Variants in SGCZ observed in about 807,000 individuals in gnomAD.
SGCZ encodes the protein zeta-sarcoglycan.
A neutral mutation model predicts 41.3 loss-of-function variants in SGCZ; 40 were observed. The ratio of observed to expected loss-of-function variants is 0.97; its 90% CI spans 0.75 to 1.26. The LOEUF (loss-of-function observed/expected upper bound fraction) is 1.26. Among genes scored for constraint, SGCZ ranks in the 50% most tolerant of loss-of-function variants. The pLI is 0.00. For synonymous variants in SGCZ, 206 were observed against 137.5 expected, an observed-to-expected ratio of 1.50 and a Z score of -3.49; for missense variants, 552 against 369.8, an observed-to-expected ratio of 1.49 and a Z score of -4.04.
At chr8:15,026,067 G>A (rs543931110) in intron 1 of SGCZ, among the ~76,000 whole-genome samples, 3 of 150,992 alleles carry the variant, frequency 2.0e-5, no homozygotes, top group South Asian at 4.2e-4. Flanking sequence ...TACTCCACGC[G>A]TTTTCTTTTT....
intron 1 of SGCZ, among the ~76,000 whole-genome samples, chr8:14,789,208 G>A (rs919348778): frequency 6.6e-6 from 1 of 151,822 alleles, no homozygotes; most frequent in African/African-American, 2.4e-5. Flanking sequence ...CATCCACCAG[G>A]AGCACAAGAT....
chr8:14,457,484 C>G (rs1800780805), intron 2 of SGCZ, among the ~76,000 whole-genome samples: 1 of 152,196 alleles, frequency 6.6e-6, no homozygotes, highest in Non-Finnish European at 1.5e-5. Context: ...GCTCCTCCAA[C>G]TCTTGTGGAG....
At position 14,155,384 on chromosome 8, in the gene SGCZ, A is replaced by T. The variant is rs191619133; in HGVS notation, c.547+9196T>A. On this transcript the variant is annotated intron_variant, in intron 5 of 7. Coordinates refer to ENST00000382080, the MANE Select transcript of SGCZ (RefSeq NM_139167.4). ...TGGTGGTAGTTACTTTCACTAGTTGACTAAGACTGTGACAGCCAGAGGTTC... is the reference window on the plus strand; with the variant it reads ...TGGTGGTAGTTACTTTCACTAGTTGTCTAAGACTGTGACAGCCAGAGGTTC... Among the ~76,000 whole-genome samples, 26 of 152,234 alleles carry T rather than the reference A, an allele frequency of 1.7e-4. 1 individual carries two copies. The highest frequency in any genetic ancestry group is 6.3e-4 in the African/African-American group (26 of 41,548).
intron 5 of SGCZ, among the ~76,000 whole-genome samples, chr8:14,145,757 A>G (rs1192058353): frequency 6.6e-6 from 1 of 152,220 alleles, no homozygotes; most frequent in Non-Finnish European, 1.5e-5. Flanking sequence ...AGAGATTGAA[A>G]TAATTAAAAA....
At chr8:14,369,109 T>C (rs935313904) in intron 2 of SGCZ, among the ~76,000 whole-genome samples, 1 of 151,340 alleles carries the variant, frequency 6.6e-6, no homozygotes, top group Non-Finnish European at 1.5e-5. Context: ...AATATGAAAA[T>C]TGGGAAATTA....
At chr8:14,212,372 T>C (rs1156771702) in intron 4 of SGCZ, among the ~76,000 whole-genome samples, 1 of 151,868 alleles carries the variant, frequency 6.6e-6, no homozygotes, top group African/African-American at 2.4e-5. Context: ...AAGTTTTTTG[T>C]TTTCTCACGT....
At chr8:14,601,445 T>C (rs951070681) in intron 1 of SGCZ, among the ~76,000 whole-genome samples, 1 of 148,652 alleles carries the variant, frequency 6.7e-6, no homozygotes, top group African/African-American at 2.4e-5. Flanking sequence ...TTTCTTGAAG[T>C]TGGTTCCTTT....
chr8:14,329,001 C>T (rs139118688), intron 2 of SGCZ, among the ~76,000 whole-genome samples: 1 of 152,172 alleles, frequency 6.6e-6, no homozygotes, highest in Non-Finnish European at 1.5e-5. Context: ...GACAACACAA[C>T]CTGCTAGTGC....
chr8:14,512,795 A>T (rs1370679578), intron 2 of SGCZ, among the ~76,000 whole-genome samples: 2 of 151,996 alleles, frequency 1.3e-5, no homozygotes, highest in African/African-American at 4.8e-5. Context: ...TTAGAGTTTT[A>T]GAATTTAAGA....
intron 5 of SGCZ, among the ~76,000 whole-genome samples, chr8:14,138,950 T>C (rs972415065): frequency 1.6e-4 from 25 of 152,126 alleles, no homozygotes; most frequent in African/African-American, 5.8e-4. Flanking sequence ...AGTATAGCAC[T>C]CCTCAGCAAA....
intron 1 of SGCZ, among the ~76,000 whole-genome samples, chr8:14,948,031 C>T (rs1800510417): frequency 6.6e-6 from 1 of 152,134 alleles, no homozygotes; most frequent in Non-Finnish European, 1.5e-5. Flanking sequence ...TCTGAAACTT[C>T]TTCATTATGG....
chr8:14,662,507 A>G (rs1056238307), intron 1 of SGCZ, among the ~76,000 whole-genome samples: 2 of 152,190 alleles, frequency 1.3e-5, no homozygotes, highest in Non-Finnish European at 2.9e-5. Flanking sequence ...TGCAATGTAA[A>G]GAATATGAGC....
At chr8:14,342,313 A>G (rs985989312) in intron 2 of SGCZ, among the ~76,000 whole-genome samples, 1 of 151,946 alleles carries the variant, frequency 6.6e-6, no homozygotes, top group Non-Finnish European at 1.5e-5. Flanking sequence ...CTGGCAGAAG[A>G]AATTTCTTTT....
At chr8:14,820,908 C>T (rs867975897) in intron 1 of SGCZ, among the ~76,000 whole-genome samples, 1 of 144,326 alleles carries the variant, frequency 6.9e-6, no homozygotes, top group South Asian at 2.2e-4. Flanking sequence ...AACATAAAAA[C>T]ACCCTAAAGG....
intron 1 of SGCZ, among the ~76,000 whole-genome samples, chr8:15,173,763 T>G (rs998696762): frequency 6.6e-6 from 1 of 152,284 alleles, no homozygotes; most frequent in South Asian, 2.1e-4. Context: ...GATTCATTCA[T>G]TTATTTAGAG....
At position 14,807,353 on chromosome 8, in the gene SGCZ, C is replaced by T. The variant is rs1045728976; in HGVS notation, c.40-252427G>A. 5.9e-5 allele frequency among the ~76,000 whole-genome samples: 9 copies of T among 152,176 alleles called. 1 individual carries two copies. The South Asian group carries it at 1.9e-3, about 32-fold the overall frequency. ...ACCCCATTGTCTCAGCCCAAAATCT[C>T]CTTAAGCTGATAAGCAACTTCAGCA... is the stretch of plus-strand genomic sequence containing the variant. On this transcript the variant is annotated intron_variant, in intron 1 of 7. Transcript: ENST00000382080.
intron 1 of SGCZ, among the ~76,000 whole-genome samples, chr8:15,201,347 G>T (rs1345417422): frequency 2.0e-5 from 3 of 152,100 alleles, no homozygotes; most frequent in Non-Finnish European, 4.4e-5. Flanking sequence ...AAGAAGAGAA[G>T]ATACACCAGG....
chr8:14,852,717 A>T (rs564947166), intron 1 of SGCZ, among the ~76,000 whole-genome samples: 1 of 152,334 alleles, frequency 6.6e-6, no homozygotes, highest in South Asian at 2.1e-4. Context: ...TTGTATAATT[A>T]CATTATGTTG....
At chr8:14,284,480 C>CT (rs746873721) in intron 3 of SGCZ, among the ~76,000 whole-genome samples, 2 of 152,164 alleles carry the variant, frequency 1.3e-5, no homozygotes, top group Non-Finnish European at 2.9e-5. Flanking sequence ...TCTAGTTTAT[C>CT]TTTTTTGTTT....
Sources: gnomAD v4.1 joint callset for allele counts (sites outside exome capture counted in the v4.1 genomes callset) on GRCh38, gnomAD v4.1.1 for gene constraint, MANE v1.5 for transcripts, NCBI Gene and HGNC (gene_info 2026-07-23, HGNC 2026-07-21) for gene names.